The following PIWIL2 variants were observed in gnomAD, a reference collection of about 807,000 sequenced individuals.
PIWIL2 encodes piwi-like protein 2.
A neutral mutation model predicts 116.5 loss-of-function variants in PIWIL2; 81 were observed. That is an observed-to-expected ratio of 0.70 (90% CI 0.58 to 0.84). The LOEUF is 0.84. Ranked by LOEUF, PIWIL2 falls within the 40% of genes least tolerant of loss-of-function variation. The pLI, the probability that PIWIL2 is intolerant of heterozygous loss-of-function variation, is 0.00. For synonymous variants in PIWIL2, 489 were observed against 429.5 expected (o/e 1.14, Z -1.71); for missense variants, 1,272 against 1,212.3 (o/e 1.05, Z -0.73).
At chr8:22,352,697 G>A (rs924899186) in intron 20 of PIWIL2, 7 of 398,880 alleles carry the variant, frequency 1.8e-5, no homozygotes, top group South Asian at 1.5e-4. Flanking sequence ...TGGATAAGCC[G>A]TATGCATGTG....
chr8:22,318,984 A>T (rs1339522541), intron 20 of PIWIL2, among the ~76,000 whole-genome samples: 1 of 152,184 alleles, frequency 6.6e-6, no homozygotes, highest in Non-Finnish European at 1.5e-5. Context: ...ATGCCTCCTT[A>T]TAAATCACCC....
chr8:22,352,684 T>C, intron 20 of PIWIL2: 1 of 349,234 alleles, frequency 2.9e-6, no homozygotes, highest in Non-Finnish European at 5.2e-6. Context: ...TTTGCATTGT[T>C]TGTGGATAAG....
chr8:22,294,004 C>T (rs1351191771), intron 10 of PIWIL2, among the ~76,000 whole-genome samples: 2 of 152,044 alleles, frequency 1.3e-5, no homozygotes, highest in African/African-American at 2.4e-5. Flanking sequence ...ACTTAGTCTT[C>T]CTGTTGAAAA....
chr8:22,351,969 C>A (rs1210116657), intron 20 of PIWIL2, among the ~76,000 whole-genome samples: 3 of 151,744 alleles, frequency 2.0e-5, no homozygotes, highest in African/African-American at 7.3e-5. Context: ...TGAACTTACC[C>A]TCTTGAATTT....
intron 20 of PIWIL2, among the ~76,000 whole-genome samples, chr8:22,332,465 C>A (rs1367813862): frequency 6.6e-6 from 1 of 151,980 alleles, no homozygotes; most frequent in African/African-American, 2.4e-5. Flanking sequence ...TGTTAGAAGA[C>A]CCCAAACCAT....
chr8:22,355,193 A>G (rs1832462265), intron 22 of PIWIL2, among the ~76,000 whole-genome samples, 156 bp from the exon 23 acceptor site: 1 of 152,194 alleles, frequency 6.6e-6, no homozygotes, highest in South Asian at 2.1e-4. Context: ...CCATTTAAAA[A>G]TAGTGATTCT....
intron 10 of PIWIL2, among the ~76,000 whole-genome samples, chr8:22,294,900 G>GGAA (rs1830858601): frequency 2.1e-5 from 2 of 93,650 alleles, no homozygotes; most frequent in East Asian, 2.8e-4. Flanking sequence ...ATCTTTACTG[G>GGAA]AAAAAAAAAA....
chr8:22,281,544 A>C, intron 4 of PIWIL2, 29 bp downstream of exon 4: 1 of 1,523,568 alleles, frequency 6.6e-7, no homozygotes, highest in Non-Finnish European at 8.8e-7. Context: ...TCAGGTAACT[A>C]TCAAATTCAG....
intron 10 of PIWIL2, among the ~76,000 whole-genome samples, chr8:22,301,100 C>T (rs780520598): frequency 9.2e-5 from 14 of 151,918 alleles, no homozygotes; most frequent in Non-Finnish European, 1.8e-4. Flanking sequence ...TCACCTCACC[C>T]TCCTGAGTAG....
At chr8:22,320,222 A>G (rs1469215813) in intron 20 of PIWIL2, among the ~76,000 whole-genome samples, 1 of 148,414 alleles carries the variant, frequency 6.7e-6, no homozygotes, top group Non-Finnish European at 1.5e-5. Context: ...CAGCCTCCCA[A>G]AGTGCTAGGA....
intron 20 of PIWIL2, among the ~76,000 whole-genome samples, chr8:22,348,489 G>A (rs998029046): frequency 9.9e-5 from 15 of 152,160 alleles, no homozygotes; most frequent in African/African-American, 2.9e-4. Context: ...TAAACACAGT[G>A]TTGCTTTCGA....
Position 22,307,961 on chromosome 8 carries a change from C to A in PIWIL2, c.1574C>A (p.Pro525His). ...TTGGCTCAGCAAATCAATCTGAGCC[C>A]CAAGCAACACCATAGTGCTTTGGAA... ...KDLAQQINLS[P>H]KQHHSALECL... Residue 525 changes from proline to histidine, a missense_variant, in exon 14 of 23, where the codon CCC becomes CAC. Physicochemically the swap from Pro to His is moderately conservative, Grantham distance 77. Coordinates refer to ENST00000356766, the MANE Select transcript of PIWIL2 (RefSeq NM_018068.5). The A allele has an allele frequency of 6.2e-7, 1 of 1,611,556 alleles. No individual in the cohort carries two copies. The highest frequency in any genetic ancestry group is 8.5e-7 in the Non-Finnish European group (1 of 1,178,602).
intron 7 of PIWIL2, among the ~76,000 whole-genome samples, chr8:22,287,850 G>A (rs749116895): frequency 6.6e-6 from 1 of 152,168 alleles, no homozygotes; most frequent in Non-Finnish European, 1.5e-5. Flanking sequence ...TAGAATTCCT[G>A]TATGTTCGAG....
chr8:22,283,230 C>A lies in PIWIL2; in HGVS notation c.622C>A (p.His208Asn). Residue 208 changes from histidine to asparagine, a missense_variant, in exon 5 of 23, where the codon CAC becomes AAC. Transcript: ENST00000356766. ...TCGCCCTCTGGTCCTGACTGTGGAA[C>A]ACAAGGAAAAGTAAGTCAGGAGCAC... Reference protein sequence around the residue: ...PDRPLVLTVEHKEKELIVKQG... With the variant: ...PDRPLVLTVENKEKELIVKQG... 6.2e-7 allele frequency: 1 copy of A among 1,613,094 alleles called. No individual in the cohort carries two copies. The highest frequency in any genetic ancestry group is 8.5e-7 in the Non-Finnish European group (1 of 1,179,270).
At chr8:22,335,732 T>C (rs1197099686) in intron 20 of PIWIL2, among the ~76,000 whole-genome samples, 2 of 151,992 alleles carry the variant, frequency 1.3e-5, no homozygotes, top group African/African-American at 4.8e-5. Context: ...GTTGTTGTTG[T>C]ATTTTTAGTA....
At chr8:22,283,750 A>G (rs1487184571) in intron 5 of PIWIL2, among the ~76,000 whole-genome samples, 2 of 152,192 alleles carry the variant, frequency 1.3e-5, no homozygotes, top group African/African-American at 4.8e-5. Flanking sequence ...TTGACAGTGG[A>G]CATATAGCAT....
At chr8:22,349,630 G>C (rs780571361) in intron 20 of PIWIL2, among the ~76,000 whole-genome samples, 4 of 152,024 alleles carry the variant, frequency 2.6e-5, no homozygotes, top group Non-Finnish European at 5.9e-5. Flanking sequence ...TCAAATGAGG[G>C]TTTCTTCCAG....
At chr8:22,354,602 A>C (rs988751268) in intron 22 of PIWIL2, among the ~76,000 whole-genome samples, 54 of 152,118 alleles carry the variant, frequency 3.5e-4, no homozygotes, top group African/African-American at 1.2e-3. Flanking sequence ...CTTCCCCCCA[A>C]CTATTCTGAG....
rs1447424871 is a variant in PIWIL2 at position 22,283,017 on chromosome 8, C to T, written c.426-17C>T. ...TATTATAAAAAACCCTGATTTGCCT[C>T]TCTCTCCACATTTCAGGACGCTTGG... is the stretch of plus-strand genomic sequence containing the variant. On this transcript the variant is annotated splice_polypyrimidine_tract_variant and intron_variant, in intron 4 of 22. Transcript: ENST00000356766. 1 of 1,603,754 alleles carries T rather than the reference C, an allele frequency of 6.2e-7. No individual in the cohort carries two copies. Among genetic ancestry groups the T allele is most frequent in the Non-Finnish European group, 8.5e-7 (1 of 1,170,662 alleles).
Sources: allele counts gnomAD v4.1 joint callset (sites outside exome capture counted in the v4.1 genomes callset), GRCh38; gene constraint gnomAD v4.1.1; transcripts MANE v1.5; gene names NCBI Gene and HGNC (gene_info 2026-07-23, HGNC 2026-07-21).